MAGI2: variants seen among roughly 807,000 people sequenced by gnomAD.
The protein encoded by MAGI2 is membrane associated guanylate kinase, WW and PDZ domain containing 2.
A neutral mutation model predicts 133.3 loss-of-function variants in MAGI2; 35 were observed. The ratio of observed to expected loss-of-function variants is 0.26; its 90% CI spans 0.20 to 0.35. MAGI2 has a LOEUF of 0.35. Ranked by LOEUF, MAGI2 falls within the 10% of genes least tolerant of loss-of-function variation. MAGI2 has a pLI of 1.00. For synonymous variants in MAGI2, 729 were observed against 710.6 expected (o/e 1.03, Z -0.41); for missense variants, 1,636 against 1,863.4 (o/e 0.88, Z 2.25).
chr7:79,228,754 A>G (rs1016380422), intron 1 of MAGI2, among the ~76,000 whole-genome samples: 2 of 152,174 alleles, frequency 1.3e-5, no homozygotes, highest in African/African-American at 2.4e-5. Flanking sequence ...TTAGTTGGTC[A>G]CCCAGTTGAG....
chr7:78,786,596 G>A (rs913425254), intron 2 of MAGI2, among the ~76,000 whole-genome samples: 1 of 152,104 alleles, frequency 6.6e-6, no homozygotes, highest in Non-Finnish European at 1.5e-5. Flanking sequence ...GCCCACTATA[G>A]GGCCTTTGTG....
intron 2 of MAGI2, among the ~76,000 whole-genome samples, chr7:78,754,390 T>G (rs1428675789): frequency 6.6e-6 from 1 of 151,418 alleles, no homozygotes; most frequent in Non-Finnish European, 1.5e-5. Flanking sequence ...AATAAATAAA[T>G]AAATAAATAA....
intron 1 of MAGI2, among the ~76,000 whole-genome samples, chr7:79,366,714 A>T (rs2129128462): frequency 6.6e-6 from 1 of 152,310 alleles, no homozygotes; most frequent in Admixed American, 6.5e-5. Flanking sequence ...ATAACTGCAT[A>T]TTAATTTATA....
intron 1 of MAGI2, among the ~76,000 whole-genome samples, chr7:79,253,761 T>A (rs2129555870): frequency 6.6e-6 from 1 of 152,310 alleles, no homozygotes; most frequent in East Asian, 1.9e-4. Context: ...CCTCTCTAAC[T>A]CCTTTTCCTC....
At chr7:78,185,007 TTATTTG>T (rs768503608) in intron 13 of MAGI2, among the ~76,000 whole-genome samples, 4 of 152,210 alleles carry the variant, frequency 2.6e-5, no homozygotes, top group Non-Finnish European at 5.9e-5. Context: ...TTCTAGCTTC[TTATTTG>T]TATCTAGTCT....
chr7:78,628,162 A>AGGCTG (rs1388668849), intron 2 of MAGI2, among the ~76,000 whole-genome samples: 1 of 152,242 alleles, frequency 6.6e-6, no homozygotes, highest in African/African-American at 2.4e-5. Context: ...GACATCTTCA[A>AGGCTG]GGCTGCAGGT....
At chr7:78,383,799 T>C (rs941479369) in intron 6 of MAGI2, among the ~76,000 whole-genome samples, 2 of 152,114 alleles carry the variant, frequency 1.3e-5, no homozygotes, top group Admixed American at 6.6e-5. Flanking sequence ...AGGGATCCAG[T>C]TTCATTCTTC....
intron 10 of MAGI2, among the ~76,000 whole-genome samples, chr7:78,238,413 G>A (rs1160716831): frequency 6.6e-6 from 1 of 151,894 alleles, no homozygotes; most frequent in African/African-American, 2.4e-5. Context: ...TAAAATTTTT[G>A]TAGTCCTCTG....
chr7:78,531,437 C>A (rs2150625254), intron 3 of MAGI2, among the ~76,000 whole-genome samples: 1 of 152,192 alleles, frequency 6.6e-6, no homozygotes, highest in African/African-American at 2.4e-5. Context: ...TGGTCTCGAT[C>A]TCTTGACCTC....
At chr7:79,226,330 G>A (rs1830852169) in intron 1 of MAGI2, among the ~76,000 whole-genome samples, 1 of 152,222 alleles carries the variant, frequency 6.6e-6, no homozygotes, top group South Asian at 2.1e-4. Context: ...GTCTGGGGAT[G>A]AGAGTTACCG....
intron 1 of MAGI2, among the ~76,000 whole-genome samples, chr7:79,041,301 C>T (rs1026119711): frequency 2.0e-5 from 3 of 152,034 alleles, no homozygotes; most frequent in Admixed American, 2.0e-4. Flanking sequence ...GGAATCTTTT[C>T]TGAAATATGT....
chr7:78,281,423 G>A (rs1037281879), intron 9 of MAGI2, among the ~76,000 whole-genome samples: 17 of 151,850 alleles, frequency 1.1e-4, no homozygotes, highest in African/African-American at 3.9e-4. Context: ...TTTCATAAGG[G>A]ACTCTTCCCC....
At chr7:79,297,443 G>A (rs948035287) in intron 1 of MAGI2, among the ~76,000 whole-genome samples, 2 of 152,072 alleles carry the variant, frequency 1.3e-5, no homozygotes, top group African/African-American at 2.4e-5. Flanking sequence ...CTTCCCATGT[G>A]AGAACTATCA....
intron 1 of MAGI2, among the ~76,000 whole-genome samples, chr7:79,374,307 A>G (rs1327126230): frequency 6.9e-6 from 1 of 145,698 alleles, no homozygotes; most frequent in Non-Finnish European, 1.5e-5. Context: ...TCAAAGGGGA[A>G]ATTTGGACAC....
At chr7:78,885,614 T>C (rs533651629) in intron 2 of MAGI2, among the ~76,000 whole-genome samples, 15 of 135,184 alleles carry the variant, frequency 1.1e-4, no homozygotes, top group African/African-American at 3.9e-4. Context: ...TGAGCATCCT[T>C]TATTGAAAGG....
chr7:78,782,822 CTG>C (rs1404047577), intron 2 of MAGI2, among the ~76,000 whole-genome samples: 3 of 151,898 alleles, frequency 2.0e-5, no homozygotes, highest in African/African-American at 7.3e-5. Context: ...TGATGAGAGA[CTG>C]TAAGGAAAAA....
intron 3 of MAGI2, among the ~76,000 whole-genome samples, chr7:78,526,058 T>C (rs369727902): frequency 6.6e-5 from 10 of 152,178 alleles, no homozygotes; most frequent in African/African-American, 2.2e-4. Context: ...GTTAAGAAAA[T>C]AGAGACTAAG....
At chr7:78,185,732 T>C (rs534977846) in intron 12 of MAGI2, 62 bp from the exon 13 acceptor site, 1 of 1,324,394 alleles carries the variant, frequency 7.6e-7, no homozygotes, top group African/African-American at 1.4e-5. Context: ...AATTCATCTT[T>C]ACTTTCTTTT....
At chr7:79,017,322 C>T (rs2098180) in intron 1 of MAGI2, among the ~76,000 whole-genome samples, 1 of 151,982 alleles carries the variant, frequency 6.6e-6, no homozygotes. Context: ...GGAGTTATGA[C>T]CTGAGCCCTG....
Sources: allele counts gnomAD v4.1 joint callset (sites outside exome capture counted in the v4.1 genomes callset), GRCh38; gene constraint gnomAD v4.1.1; transcripts MANE v1.5; gene names NCBI Gene and HGNC (gene_info 2026-07-23, HGNC 2026-07-21).